The following NHSL3 variants were observed in gnomAD, a reference collection of about 807,000 sequenced individuals.
NHSL3 encodes NHS like 3, also known as NHS-like protein 3.
the NHSL3 span, among the ~76,000 whole-genome samples, chr1:32,751,608 CTG>C: frequency 6.6e-6 from 1 of 152,236 alleles, no homozygotes; most frequent in East Asian, 1.9e-4. Flanking sequence ...GCACTAATGT[CTG>C]TGGGGCCTTC....
chr1:32,770,584 A>C, the NHSL3 span: 1 of 1,521,238 alleles, frequency 6.6e-7, no homozygotes, highest in Non-Finnish European at 8.8e-7. The surrounding 1 kb of genome is among the most constrained non-coding windows in gnomAD (Gnocchi z 8.3). Context: ...TGGGGGCAGC[A>C]CTGCTGAGGC....
At chr1:32,747,394 C>T in the NHSL3 span, among the ~76,000 whole-genome samples, 19 of 151,988 alleles carry the variant, frequency 1.3e-4, no homozygotes, top group Admixed American at 5.2e-4. Context: ...AGGCTGGTCT[C>T]GAACTCCTGA....
chr1:32,772,001 T>G, the NHSL3 span: 1 of 1,603,064 alleles, frequency 6.2e-7, no homozygotes, highest in Non-Finnish European at 8.5e-7. Flanking sequence ...GCCTGCAGCC[T>G]GGCCGCCAGT....
the NHSL3 span, chr1:32,741,944 C>T: frequency 8.9e-4 from 765 of 861,342 alleles, 6 homozygotes; most frequent in Non-Finnish European, 1.0e-3. This position sits in a 1 kb window ranked among gnomAD's most constrained non-coding sequence, Gnocchi z 4.3. Flanking sequence ...CCCGCTCCGC[C>T]CCCGCCTGCC....
the NHSL3 span, among the ~76,000 whole-genome samples, chr1:32,750,805 C>A: frequency 6.6e-6 from 1 of 150,396 alleles, no homozygotes; most frequent in Non-Finnish European, 1.5e-5. Context: ...AGCGCCCGGC[C>A]CCTTTTATTT....
At chr1:32,772,320 T>C in the NHSL3 span, 9 of 1,591,266 alleles carry the variant, frequency 5.7e-6, no homozygotes, top group African/African-American at 1.2e-4. Flanking sequence ...CTGAGCCCCT[T>C]ACTGCTCCTC....
At chr1:32,747,146 G>T in the NHSL3 span, among the ~76,000 whole-genome samples, 1 of 151,844 alleles carries the variant, frequency 6.6e-6, no homozygotes, top group Non-Finnish European at 1.5e-5. Context: ...CCCCTCTTTG[G>T]ACCAGACATG....
At chr1:32,764,067 C>A in the NHSL3 span, among the ~76,000 whole-genome samples, 1 of 151,334 alleles carries the variant, frequency 6.6e-6, no homozygotes, top group East Asian at 1.9e-4. Flanking sequence ...TGCCTTGTTG[C>A]CCAGGCTGAT....
At chr1:32,770,259 G>A in the NHSL3 span, 2 of 1,603,166 alleles carry the variant, frequency 1.2e-6, no homozygotes, top group South Asian at 1.1e-5. This position sits in a 1 kb window ranked among gnomAD's most constrained non-coding sequence, Gnocchi z 8.3. Context: ...ATGCTGTGCT[G>A]CCGCCTACAG....
chr1:32,760,967 T>A, the NHSL3 span, among the ~76,000 whole-genome samples: 1 of 152,146 alleles, frequency 6.6e-6, no homozygotes, highest in South Asian at 2.1e-4. Context: ...GTCTCTGCCC[T>A]GGTAAACTGT....
the NHSL3 span, chr1:32,770,257 C>A: frequency 3.7e-6 from 6 of 1,603,204 alleles, no homozygotes; most frequent in Non-Finnish European, 5.1e-6. This position sits in a 1 kb window ranked among gnomAD's most constrained non-coding sequence, Gnocchi z 8.3. Context: ...ACATGCTGTG[C>A]TGCCGCCTAC....
the NHSL3 span, chr1:32,769,771 G>A: frequency 6.2e-7 from 1 of 1,613,942 alleles, no homozygotes; most frequent in Non-Finnish European, 8.5e-7. Context: ...CCCGCAGCAT[G>A]TGCAGAAGGA....
At chr1:32,772,111 T>C in the NHSL3 span, 2 of 1,613,224 alleles carry the variant, frequency 1.2e-6, no homozygotes, top group Non-Finnish European at 1.7e-6. Flanking sequence ...CTCCAAGGGC[T>C]CTAGGAAGCT....
chr1:32,751,987 T>C, the NHSL3 span, among the ~76,000 whole-genome samples: 1 of 152,140 alleles, frequency 6.6e-6, no homozygotes, highest in Non-Finnish European at 1.5e-5. Flanking sequence ...ACTTTATCCT[T>C]GGGTATTCCC....
chr1:32,743,847 GCCCAC>G, the NHSL3 span, among the ~76,000 whole-genome samples: 1 of 152,180 alleles, frequency 6.6e-6, no homozygotes, highest in East Asian at 1.9e-4. Context: ...CCTGATTTGA[GCCCAC>G]GTGCATGGGT....
At chr1:32,770,686 C>A in the NHSL3 span, 21 of 1,535,110 alleles carry the variant, frequency 1.4e-5, 1 homozygote, top group Non-Finnish European at 1.8e-5. This position sits in a 1 kb window ranked among gnomAD's most constrained non-coding sequence, Gnocchi z 8.3. Flanking sequence ...CCCTCCCCGC[C>A]GGACCCACTC....
the NHSL3 span, among the ~76,000 whole-genome samples, chr1:32,753,077 T>C: frequency 6.6e-6 from 1 of 151,118 alleles, no homozygotes; most frequent in Admixed American, 6.6e-5. Flanking sequence ...CAAGCGATTC[T>C]CCTGCCTCAG....
chr1:32,755,150 G>T, the NHSL3 span, among the ~76,000 whole-genome samples: 1 of 152,256 alleles, frequency 6.6e-6, no homozygotes, highest in Non-Finnish European at 1.5e-5. Context: ...TCCCCGAGGG[G>T]CGCTGAAGGA....
chr1:32,765,985 C>T, the NHSL3 span, among the ~76,000 whole-genome samples: 1 of 152,036 alleles, frequency 6.6e-6, no homozygotes, highest in African/African-American at 2.4e-5. Flanking sequence ...TGCTTTTGTC[C>T]AGCCGCTTTG....
Sources: allele counts gnomAD v4.1 joint callset (sites outside exome capture counted in the v4.1 genomes callset), GRCh38; gene constraint gnomAD v4.1.1; non-coding constraint Gnocchi (gnomAD v3.1); transcripts MANE v1.5; gene names NCBI Gene and HGNC (gene_info 2026-07-23, HGNC 2026-07-21).